MYBPC1: variants seen among roughly 807,000 people sequenced by gnomAD.
The protein encoded by MYBPC1 is myosin-binding protein C, slow-type.
Under a neutral mutation model 147.1 loss-of-function variants are expected in MYBPC1, and 52 were observed. The observed-to-expected ratio is 0.35, with a 90% CI of 0.28 to 0.45. The LOEUF is 0.45. Among genes scored for constraint, MYBPC1 ranks in the 20% least tolerant of loss-of-function variants. MYBPC1 has a pLI of 1.00. For missense variants in MYBPC1, 1,228 were observed against 1,440.3 expected (o/e 0.85, Z 2.39); for synonymous variants, 477 against 475.9 (o/e 1.00, Z -0.03).
intron 3 of MYBPC1, among the ~76,000 whole-genome samples, chr12:101,618,292 G>T (rs1447883720): frequency 6.6e-6 from 1 of 152,132 alleles, no homozygotes; most frequent in Non-Finnish European, 1.5e-5. Context: ...CATAACGTTA[G>T]TATACTCACT....
the MYBPC1 span, among the ~76,000 whole-genome samples, chr12:101,693,312 T>C: frequency 1.3e-5 from 2 of 152,306 alleles, no homozygotes; most frequent in African/African-American, 4.8e-5. Flanking sequence ...CATCTATATC[T>C]ATGTAGATAT....
At position 101,644,751 on chromosome 12, in the gene MYBPC1, A is replaced by T. The variant is rs1316963342; in HGVS notation, c.920A>T (p.Glu307Val). 27 of 1,613,972 alleles carry T rather than the reference A, an allele frequency of 1.7e-5. No individual in the cohort carries two copies. Among genetic ancestry groups the T allele is most frequent in the Non-Finnish European group, 2.2e-5 (26 of 1,179,974 alleles). ...FVVELADPKL[E>V]VKWYKNGQEI... The stretch of plus-strand genomic sequence containing the variant: ...GTGGAGCTGGCAGATCCAAAGTTGG[A>T]GGTGAAATGGTATAAAAATGGTCAA... Residue 307 changes from glutamate (E) to valine (V), a missense_variant, in exon 12 of 32, where the codon GAG (glutamate) becomes GTG (valine). Glu to Val is a moderately radical substitution (Grantham distance 121). Around this residue, in one of 2 missense-constraint regions of MYBPC1, gnomAD observed 1,077 missense variants for 1,314.2 expected, o/e 0.82. Transcript: ENST00000361466.
chr12:101,642,193 A>G (rs1040886222), intron 10 of MYBPC1, among the ~76,000 whole-genome samples: 1 of 152,228 alleles, frequency 6.6e-6, no homozygotes, highest in South Asian at 2.1e-4. Flanking sequence ...TTAACTAGGA[A>G]AACGAAAGGT....
chr12:101,679,872 A>G (rs1259011938), intron 28 of MYBPC1, among the ~76,000 whole-genome samples: 1 of 152,240 alleles, frequency 6.6e-6, no homozygotes, highest in Non-Finnish European at 1.5e-5. Flanking sequence ...TATGGATGAC[A>G]TTGTTTTTTA....
intron 8 of MYBPC1, 131 bp downstream of exon 8, chr12:101,632,269 A>G: frequency 1.4e-6 from 1 of 736,924 alleles, no homozygotes. Context: ...TGATTGTGGT[A>G]GTCTCAGCAA....
intron 19 of MYBPC1, 101 bp from the exon 20 acceptor site, chr12:101,661,055 AAC>A: frequency 2.7e-6 from 2 of 736,628 alleles, no homozygotes; most frequent in African/African-American, 3.5e-5. Flanking sequence ...ACTCAGAAAT[AAC>A]AGTTTCAATG....
At position 101,613,858 on chromosome 12, in the gene MYBPC1, ACCGT is replaced by A. The variant is rs1885088100; in HGVS notation, c.26-635_26-632del. ...TTAATTCTGTTTCCCAGTGAATTGC[ACCGT>A]CCTTGTAAAACAACAACAACAAAGC... On this transcript the variant is annotated intron_variant, in intron 1 of 31. Coordinates refer to ENST00000361466, the MANE Select transcript of MYBPC1 (RefSeq NM_002465.4). Among the ~76,000 whole-genome samples the A allele has an allele frequency of 2.6e-5, 4 of 152,318 alleles. No individual in the cohort carries two copies. In the South Asian group the frequency reaches 8.3e-4, roughly 32 times the overall value.
chr12:101,633,916 G>A (rs1593797968), intron 8 of MYBPC1, among the ~76,000 whole-genome samples: 1 of 148,784 alleles, frequency 6.7e-6, no homozygotes, highest in African/African-American at 2.5e-5. Flanking sequence ...TTTTTAGACG[G>A]AGTCTCGCTC....
At chr12:101,682,131 C>G (rs1264344489) in intron 29 of MYBPC1, among the ~76,000 whole-genome samples, 1 of 151,882 alleles carries the variant, frequency 6.6e-6, no homozygotes. Flanking sequence ...CATCTGGTTT[C>G]TAAACTGCTA....
intron 2 of MYBPC1, chr12:101,614,840 C>T: frequency 2.3e-6 from 1 of 436,520 alleles, no homozygotes; most frequent in Non-Finnish European, 4.2e-6. Flanking sequence ...AGCCTCCATC[C>T]AAGGGGCTGA....
intron 28 of MYBPC1, among the ~76,000 whole-genome samples, chr12:101,679,535 AAGG>A (rs1950796637): frequency 6.6e-6 from 1 of 152,220 alleles, no homozygotes; most frequent in Non-Finnish European, 1.5e-5. Context: ...TTACAAAAGA[AAGG>A]AGAAGACAAT....
intron 6 of MYBPC1, 84 bp downstream of exon 6, chr12:101,629,628 T>C (rs1028127039): frequency 3.6e-6 from 3 of 827,964 alleles, no homozygotes; most frequent in Admixed American, 2.1e-5. Context: ...ATCCCAGCAC[T>C]CTGGGAGGTC....
In MYBPC1 at chr12:101,673,585, A is replaced by T. The variant is rs1195115887; in HGVS notation, c.2772A>T (p.Lys924Asn). The T allele has an allele frequency of 6.2e-7, 1 of 1,614,148 alleles. No individual in the cohort carries two copies. ...ATGATCTGCAAGTCAAAGTGGACAA[A>T]TTCGTGGAGACCGCATCAATTGACA... The part of the protein sequence containing the change: ...GKYDLQVKVD[K>N]FVETASIDIQ... The change falls in exon 25 of 32, where the codon AAA becomes AAT. Residue 924 changes from lysine to asparagine, a missense_variant. Lys to Asn is a moderately conservative substitution (Grantham distance 94). Around this residue, in one of 2 missense-constraint regions of MYBPC1, gnomAD observed 1,077 missense variants for 1,314.2 expected, o/e 0.82. Coordinates refer to ENST00000361466, the MANE Select transcript of MYBPC1 (RefSeq NM_002465.4).
intron 23 of MYBPC1, among the ~76,000 whole-genome samples, chr12:101,669,493 G>C (rs867295131): frequency 6.6e-6 from 1 of 152,214 alleles, no homozygotes; most frequent in South Asian, 2.1e-4. Context: ...AGTTACTGTC[G>C]AACTCCAACA....
chr12:101,607,337 G>T (rs531681694), intron 1 of MYBPC1, among the ~76,000 whole-genome samples: 1 of 152,212 alleles, frequency 6.6e-6, no homozygotes, highest in South Asian at 2.1e-4. Flanking sequence ...AAGATAATTT[G>T]CTATACCACC....
At chr12:101,678,329 T>G in intron 28 of MYBPC1, 91 bp downstream of exon 28, 4 of 1,542,756 alleles carry the variant, frequency 2.6e-6, no homozygotes, top group Non-Finnish European at 3.6e-6. Flanking sequence ...ATCCAGCTGC[T>G]ACTTGTGTCT....
chr12:101,672,114 TTCCCTAGTG>T (rs1898867279), intron 24 of MYBPC1, among the ~76,000 whole-genome samples: 1 of 152,216 alleles, frequency 6.6e-6, no homozygotes, highest in Non-Finnish European at 1.5e-5. Context: ...ACCCACATTT[TTCCCTAGTG>T]GCTAACAGCA....
chr12:101,642,601 G>A lies in MYBPC1; in HGVS notation c.832+16G>A, dbSNP rs184174176. The stretch of plus-strand genomic sequence containing the variant: ...AAGAGCGCAGGTGAGCGCTCCCGGG[G>A]GCGAGGCAGCGGCCGAGGGGCGTGG... On this transcript the variant is annotated intron_variant, in intron 11 of 31. Transcript: ENST00000361466. 1.9e-3 allele frequency: 3,032 copies of A among 1,604,464 alleles called. 8 individuals are homozygous for A. The highest frequency in any genetic ancestry group is 2.3e-3 in the Non-Finnish European group (2,668 of 1,176,100).
At chr12:101,675,195 T>C in intron 25 of MYBPC1, 97 bp from the exon 26 acceptor site, 1 of 1,506,992 alleles carries the variant, frequency 6.6e-7, no homozygotes, top group Non-Finnish European at 9.1e-7. Context: ...ATGCCTCCTG[T>C]AACAGAGGAA....
Sources: allele counts gnomAD v4.1 joint callset (sites outside exome capture counted in the v4.1 genomes callset), GRCh38; gene constraint gnomAD v4.1.1; regional missense constraint gnomAD v4.1.1; transcripts MANE v1.5; gene names NCBI Gene and HGNC (gene_info 2026-07-23, HGNC 2026-07-21).